ROBO2: variants seen among roughly 807,000 people sequenced by gnomAD.
ROBO2 encodes roundabout homolog 2.
In ROBO2, 53 loss-of-function variants were observed where a neutral mutation model predicts 160.8. The ratio of observed to expected loss-of-function variants is 0.33; its 90% confidence interval spans 0.26 to 0.41. The LOEUF is 0.41. Among genes scored for constraint, ROBO2 ranks in the 10% least tolerant of loss-of-function variants. ROBO2 has a pLI of 1.00. For missense variants in ROBO2, 1,577 were observed against 1,722.4 expected (o/e 0.92, Z 1.49); for synonymous variants, 664 against 611.7 (o/e 1.09, Z -1.26).
intron 2 of ROBO2, among the ~76,000 whole-genome samples, chr3:77,201,397 T>G (rs1459923970): frequency 6.6e-6 from 1 of 152,230 alleles, no homozygotes; most frequent in Non-Finnish European, 1.5e-5. Flanking sequence ...CGATTTGTGC[T>G]TAACTGGGAA....
intron 2 of ROBO2, among the ~76,000 whole-genome samples, chr3:76,179,112 C>T (rs573732333): frequency 6.6e-6 from 1 of 152,054 alleles, no homozygotes; most frequent in African/African-American, 2.4e-5. Context: ...TAGAGCAGCT[C>T]ATTCGGAATT....
At chr3:77,073,912 CAT>C (rs1251603744) in intron 1 of ROBO2, among the ~76,000 whole-genome samples, 2 of 152,076 alleles carry the variant, frequency 1.3e-5, no homozygotes, top group African/African-American at 4.8e-5. Context: ...GACCTGGAAA[CAT>C]ACACAAAGAA....
chr3:76,529,813 A>G (rs557542971), intron 2 of ROBO2, among the ~76,000 whole-genome samples: 2 of 152,254 alleles, frequency 1.3e-5, no homozygotes, highest in Admixed American at 6.5e-5. Context: ...TCTCCCTTGC[A>G]GCATTTTAAC....
rs570517620 is a variant in ROBO2, at chr3:77,640,236, C to G, written c.3935-4468C>G. 2.3e-4 allele frequency among the ~76,000 whole-genome samples: 35 copies of G among 150,378 alleles called. 2 individuals carry two copies. In the South Asian group the frequency reaches 7.4e-3, roughly 32 times the overall value. The stretch of plus-strand genomic sequence containing the variant: ...ACGCCATTCTCCTGCCTCAGCCTCC[C>G]GAGTAGCTGGGACTAAAGGCGCCCG... On this transcript the variant is annotated intron_variant, in intron 24 of 25. Coordinates refer to ENST00000461745, the Ensembl canonical transcript of ROBO2.
intron 2 of ROBO2, among the ~76,000 whole-genome samples, chr3:76,268,561 A>G (rs940639345): frequency 5.9e-5 from 9 of 152,194 alleles, no homozygotes; most frequent in African/African-American, 2.2e-4. Context: ...AAAAAGAAAG[A>G]TCTTCAGTGT....
chr3:76,126,877 A>T (rs2071009351), intron 2 of ROBO2, among the ~76,000 whole-genome samples: 1 of 152,102 alleles, frequency 6.6e-6, no homozygotes, highest in Non-Finnish European at 1.5e-5. Context: ...AATTTCTATT[A>T]ATTTGATTTC....
intron 2 of ROBO2, among the ~76,000 whole-genome samples, chr3:76,021,230 C>CA (rs991109075): frequency 6.6e-6 from 1 of 151,612 alleles, no homozygotes; most frequent in Non-Finnish European, 1.5e-5. Flanking sequence ...ATAGAGCACT[C>CA]GGAAAAAATA....
rs559543781 is a variant in ROBO2 at position 77,040,924 on chromosome 3, T to A, written c.61+78T>A. On this transcript the variant is annotated intron_variant, in intron 1 of 25. Transcript: ENST00000461745. ...CAAAACCATTTCTTTTTGAATTTGATGTGGGTTATAAATGAAATGACATTA... is the reference window on the plus strand; with the variant it reads ...CAAAACCATTTCTTTTTGAATTTGAAGTGGGTTATAAATGAAATGACATTA... The A allele has an allele frequency of 1.1e-5, 17 of 1,523,932 alleles. No individual in the cohort carries two copies. The Middle Eastern group carries it at 5.2e-4, about 47-fold the overall frequency. The allele number at this position is 1,523,932 out of a possible 1,614,324, so 94.4% of individuals were successfully genotyped here.
chr3:77,339,986 A>G (rs538657209), intron 2 of ROBO2, among the ~76,000 whole-genome samples: 1 of 152,234 alleles, frequency 6.6e-6, no homozygotes, highest in Admixed American at 6.5e-5. Flanking sequence ...CAAGCTTTCC[A>G]TAAACATATC....
At chr3:75,959,146 T>C (rs1350238877) in intron 2 of ROBO2, among the ~76,000 whole-genome samples, 1 of 151,818 alleles carries the variant, frequency 6.6e-6, no homozygotes, top group East Asian at 1.9e-4. Flanking sequence ...GGAATGCTTC[T>C]TTTATTTCTT....
At chr3:77,020,515 A>C (rs997541946) in intron 2 of ROBO2, among the ~76,000 whole-genome samples, 2 of 152,198 alleles carry the variant, frequency 1.3e-5, no homozygotes, top group African/African-American at 4.8e-5. Flanking sequence ...GACTCTTAGA[A>C]AAAAATGTTC....
At chr3:76,760,809 A>G (rs1304873732) in intron 2 of ROBO2, among the ~76,000 whole-genome samples, 1 of 151,754 alleles carries the variant, frequency 6.6e-6, no homozygotes, top group African/African-American at 2.4e-5. Flanking sequence ...AGTCAATTCA[A>G]TTTTATTAGT....
chr3:76,840,667 A>G (rs1223390006), intron 2 of ROBO2, among the ~76,000 whole-genome samples: 3 of 136,004 alleles, frequency 2.2e-5, no homozygotes, highest in Non-Finnish European at 3.1e-5. Flanking sequence ...ATATATATAT[A>G]TATATATAAG....
At position 77,506,131 on chromosome 3, in the gene ROBO2, C is replaced by A. The variant is rs969202049; in HGVS notation, c.806+12749C>A. Among the ~76,000 whole-genome samples, 5 of 152,242 alleles carry A rather than the reference C, an allele frequency of 3.3e-5. 1 individual carries two copies. The highest frequency in any genetic ancestry group is 4.1e-4 in the South Asian group (2 of 4,820). On this transcript the variant is annotated intron_variant, in intron 5 of 25. Transcript: ENST00000461745. ...CTCTCTAATATTAAAAGCTTGTGCT[C>A]ATGGCTTATGTTGGACCCAGGACGC...
intron 2 of ROBO2, among the ~76,000 whole-genome samples, chr3:77,215,302 C>T (rs1209621879): frequency 5.9e-5 from 9 of 152,058 alleles, no homozygotes; most frequent in Non-Finnish European, 1.3e-4. Flanking sequence ...TTTCTCTAAA[C>T]TTCTCTTCTT....
chr3:77,600,291 A>G (rs963463729), intron 19 of ROBO2, among the ~76,000 whole-genome samples: 1 of 152,228 alleles, frequency 6.6e-6, no homozygotes, highest in Non-Finnish European at 1.5e-5. Context: ...CTAGAATACA[A>G]TTCAGTTTAT....
At chr3:77,341,540 G>A (rs1049359069) in intron 2 of ROBO2, among the ~76,000 whole-genome samples, 3 of 152,142 alleles carry the variant, frequency 2.0e-5, no homozygotes, top group Non-Finnish European at 4.4e-5. Flanking sequence ...GGGAACTGGG[G>A]AAGTGGCATT....
At chr3:75,906,746 G>C (rs377554778) in exon 1 of ROBO2, 42 of 152,460 alleles carry the variant, frequency 2.8e-4, no homozygotes, top group African/African-American at 9.9e-4. Context: ...CCGGAGGAGG[G>C]AGCGCGGTAG....
intron 12 of ROBO2, 32 bp downstream of exon 13, chr3:77,565,152 C>T: frequency 6.2e-7 from 1 of 1,611,380 alleles, no homozygotes; most frequent in Non-Finnish European, 8.5e-7. Context: ...AAGACTGGTT[C>T]TAGGCAGAAA....
Sources: gnomAD v4.1 joint callset for allele counts (sites outside exome capture counted in the v4.1 genomes callset) on GRCh38, gnomAD v4.1.1 for gene constraint, MANE v1.5 for transcripts, NCBI Gene and HGNC (gene_info 2026-07-23, HGNC 2026-07-21) for gene names.